CSMD1: variants seen among roughly 807,000 people sequenced by gnomAD.
The protein encoded by CSMD1 is CUB and Sushi multiple domains 1.
Under a neutral mutation model 417.5 loss-of-function variants are expected in CSMD1, and 213 were observed. The observed-to-expected ratio is 0.51, with a 90% CI of 0.46 to 0.57. The LOEUF (loss-of-function observed/expected upper bound fraction) is 0.57, where lower values mean the gene tolerates loss of function less well. CSMD1 is among the 20% of genes least tolerant of loss of function. The pLI, the probability that CSMD1 is intolerant of heterozygous loss-of-function variation, is 0.00. For missense variants in CSMD1, 6,923 were observed against 4,529.7 expected (o/e 1.53, Z -15.17); for synonymous variants, 2,862 against 1,736.8 (o/e 1.65, Z -16.11).
At chr8:4,965,942 C>T (rs1350137247) in intron 1 of CSMD1, among the ~76,000 whole-genome samples, 2 of 152,076 alleles carry the variant, frequency 1.3e-5, no homozygotes, top group Non-Finnish European at 2.9e-5. Context: ...AATGATCTCT[C>T]AACATGTGTG....
At chr8:4,362,409 G>C (rs368392283) in intron 3 of CSMD1, among the ~76,000 whole-genome samples, 3 of 152,134 alleles carry the variant, frequency 2.0e-5, no homozygotes, top group South Asian at 4.1e-4. Flanking sequence ...TCTCAGGTCC[G>C]AGGGATTAGA....
intron 1 of CSMD1, among the ~76,000 whole-genome samples, chr8:4,950,108 G>A (rs1585391873): frequency 9.2e-6 from 1 of 108,750 alleles, no homozygotes; most frequent in African/African-American, 2.9e-5. Context: ...ACATAGAAAT[G>A]TTTCATATGA....
intron 16 of CSMD1, 53 bp from the exon 17 acceptor site, chr8:3,396,434 G>C (rs752613269): frequency 3.0e-6 from 4 of 1,311,764 alleles, no homozygotes; most frequent in Non-Finnish European, 4.1e-6. Context: ...CCAGCTTACA[G>C]ACGTGCTCCT....
Position 3,815,626 on chromosome 8 carries a change from C to CTTT in CSMD1, c.819-61587_819-61585dup, listed in dbSNP as rs5888995. ...AAAATGTCTATCACTGCTAGACTTT[C>CTTT]TTTTTTTTTTTTTTTAACAAATAAA... On this transcript the variant is annotated intron_variant, in intron 5 of 69. Transcript: ENST00000635120. Among the ~76,000 whole-genome samples, 226 of 146,466 alleles carry CTTT rather than the reference C, an allele frequency of 1.5e-3. 4 individuals carry two copies. The East Asian group carries it at 0.027, about 18-fold the overall frequency.
intron 32 of CSMD1, 46 bp downstream of exon 32, chr8:3,201,566 C>A (rs747881106): frequency 1.9e-6 from 2 of 1,033,684 alleles, no homozygotes. Flanking sequence ...AATTAATCCC[C>A]CTAGCTGTCT....
At chr8:4,150,901 A>T (rs1796538864) in intron 3 of CSMD1, among the ~76,000 whole-genome samples, 1 of 152,180 alleles carries the variant, frequency 6.6e-6, no homozygotes, top group African/African-American at 2.4e-5. Context: ...GAGAAAGAGC[A>T]ATGTTTTGTT....
At chr8:4,590,820 T>C (rs1385988095) in intron 2 of CSMD1, among the ~76,000 whole-genome samples, 1 of 152,214 alleles carries the variant, frequency 6.6e-6, no homozygotes, top group Non-Finnish European at 1.5e-5. Context: ...TAAACATTTC[T>C]TAATAAAAGG....
intron 1 of CSMD1, among the ~76,000 whole-genome samples, chr8:4,899,039 G>A (rs1166701266): frequency 6.6e-6 from 1 of 152,094 alleles, no homozygotes; most frequent in Non-Finnish European, 1.5e-5. Context: ...CGACTCCTTT[G>A]GGGACAGCTT....
intron 2 of CSMD1, among the ~76,000 whole-genome samples, chr8:4,433,439 A>C (rs12547236): frequency 0.034 from 5,165 of 152,220 alleles, 132 homozygotes; most frequent in Admixed American, 0.086. Context: ...AGGGCACATT[A>C]AAGGCAATTC....
intron 9 of CSMD1, among the ~76,000 whole-genome samples, chr8:3,582,003 C>G (rs940479701): frequency 6.6e-6 from 1 of 152,140 alleles, no homozygotes; most frequent in Admixed American, 6.5e-5. Flanking sequence ...CTATGTTGGC[C>G]AGGTTGGTCT....
At chr8:4,085,232 T>C (rs1563103994) in intron 3 of CSMD1, among the ~76,000 whole-genome samples, 1 of 152,094 alleles carries the variant, frequency 6.6e-6, no homozygotes, top group Admixed American at 6.5e-5. Flanking sequence ...ATCTGATTGA[T>C]TTAGGGACCC....
intron 7 of CSMD1, among the ~76,000 whole-genome samples, chr8:3,659,311 T>A (rs1261536923): frequency 6.6e-6 from 1 of 152,188 alleles, no homozygotes; most frequent in Non-Finnish European, 1.5e-5. Context: ...AATTGTGTAG[T>A]TATTGTTACA....
At chr8:3,067,340 C>G (rs1189782068) in intron 49 of CSMD1, among the ~76,000 whole-genome samples, 1 of 152,118 alleles carries the variant, frequency 6.6e-6, no homozygotes, top group Non-Finnish European at 1.5e-5. Context: ...ACCTCGATGC[C>G]TCCCCGCACT....
chr8:4,919,005 C>A (rs1390109203), intron 1 of CSMD1, among the ~76,000 whole-genome samples: 1 of 152,058 alleles, frequency 6.6e-6, no homozygotes, highest in Non-Finnish European at 1.5e-5. Flanking sequence ...AATACATGTA[C>A]CAAAAGATAA....
At chr8:4,182,051 T>C (rs990860281) in intron 3 of CSMD1, among the ~76,000 whole-genome samples, 2 of 151,894 alleles carry the variant, frequency 1.3e-5, no homozygotes, top group African/African-American at 4.8e-5. Context: ...TGTCGGTGTG[T>C]GTGTGTGTGT....
chr8:4,525,151 G>A (rs1488134263), intron 2 of CSMD1, among the ~76,000 whole-genome samples: 1 of 152,084 alleles, frequency 6.6e-6, no homozygotes, highest in East Asian at 1.9e-4. Context: ...TTATTATTTG[G>A]GAAAAGTTGA....
At chr8:4,747,753 A>G (rs138257685) in intron 1 of CSMD1, among the ~76,000 whole-genome samples, 1 of 152,302 alleles carries the variant, frequency 6.6e-6, no homozygotes, top group East Asian at 1.9e-4. Context: ...GCCCAAGCAC[A>G]TCGAATACTG....
intron 3 of CSMD1, among the ~76,000 whole-genome samples, chr8:4,247,218 A>T (rs890420525): frequency 6.6e-6 from 1 of 152,176 alleles, no homozygotes; most frequent in African/African-American, 2.4e-5. Context: ...CAATTCCTGG[A>T]ACAGCGAGAA....
rs983959162 is a variant in CSMD1, at chr8:4,821,625, G to A, written c.85+172707C>T. 3.9e-5 allele frequency among the ~76,000 whole-genome samples: 6 copies of A among 152,156 alleles called. No homozygotes were observed. The East Asian group carries it at 7.7e-4, about 20-fold the overall frequency. ...GCAGCCCTTCATATTCAGAAAAATAGGGAAGTTTACTTCACCTAATGGGAA... is the reference window on the plus strand; with the variant it reads ...GCAGCCCTTCATATTCAGAAAAATAAGGAAGTTTACTTCACCTAATGGGAA... On this transcript the variant is annotated intron_variant, in intron 1 of 69. Coordinates refer to ENST00000635120, the MANE Select transcript of CSMD1 (RefSeq NM_033225.6).
Sources: gnomAD v4.1 joint callset for allele counts (sites outside exome capture counted in the v4.1 genomes callset) on GRCh38, gnomAD v4.1.1 for gene constraint, MANE v1.5 for transcripts, NCBI Gene and HGNC (gene_info 2026-07-23, HGNC 2026-07-21) for gene names.